The following MAPK8 variants were observed in gnomAD, a reference collection of about 807,000 sequenced individuals.
MAPK8 encodes the protein mitogen-activated protein kinase 8.
A neutral mutation model predicts 52.9 loss-of-function variants in MAPK8; 13 were observed. That is an observed-to-expected ratio of 0.25 (90% CI 0.16 to 0.39). The LOEUF (loss-of-function observed/expected upper bound fraction) is 0.39. Among genes scored for constraint, MAPK8 ranks in the 10% least tolerant of loss-of-function variants. MAPK8 has a pLI of 1.00. For missense variants in MAPK8, 300 were observed against 519.2 expected (o/e 0.58, Z 4.10); for synonymous variants, 191 against 169.8 (o/e 1.12, Z -0.97).
In MAPK8 at chr10:48,407,389, A is replaced by G. The variant is rs148278116; in HGVS notation, c.252+2408A>G. On this transcript the variant is annotated intron_variant, in intron 3 of 11. Coordinates refer to ENST00000374189, the MANE Select transcript of MAPK8 (RefSeq NM_001323329.2). ...GGTTGCATTTTTCTGATTTATTGCTATTGTTCTTTGTTGTTTTTATTCATG... is the reference window on the plus strand; with the variant it reads ...GGTTGCATTTTTCTGATTTATTGCTGTTGTTCTTTGTTGTTTTTATTCATG... Among the ~76,000 whole-genome samples the G allele has an allele frequency of 7.9e-3, 1,196 of 152,086 alleles. 13 individuals carry two copies. The highest frequency in any genetic ancestry group is 0.027 in the African/African-American group (1,116 of 41,504).
intron 1 of MAPK8, among the ~76,000 whole-genome samples, chr10:48,334,364 C>T (rs1028542668): frequency 2.0e-5 from 3 of 152,148 alleles, no homozygotes; most frequent in African/African-American, 2.4e-5. Flanking sequence ...TGTCTCTGGC[C>T]GTTTCCCTCG....
intron 1 of MAPK8, among the ~76,000 whole-genome samples, chr10:48,363,537 C>T (rs769593891): frequency 7.2e-5 from 11 of 152,072 alleles, no homozygotes; most frequent in Non-Finnish European, 1.5e-4. Context: ...AAAAATTTGT[C>T]GTCATTGTAT....
At chr10:48,373,570 GCAAAAAAA>G (rs2040457038) in intron 1 of MAPK8, among the ~76,000 whole-genome samples, 1 of 1,730 alleles carries the variant, frequency 5.8e-4, no homozygotes, top group African/African-American at 2.9e-3. Flanking sequence ...TAAATTGAAA[GCAAAAAAA>G]AAAAAAAAAA....
chr10:48,326,829 A>G (rs1208786154), intron 1 of MAPK8, among the ~76,000 whole-genome samples: 1 of 152,186 alleles, frequency 6.6e-6, no homozygotes, highest in African/African-American at 2.4e-5. Flanking sequence ...CCTGCCTCCC[A>G]GCACACACCA....
intron 1 of MAPK8, among the ~76,000 whole-genome samples, chr10:48,381,634 A>C (rs1479163148): frequency 2.0e-5 from 3 of 152,232 alleles, no homozygotes; most frequent in Non-Finnish European, 2.9e-5. Flanking sequence ...GTTTATTAAC[A>C]GATCTAAAGA....
rs532145433 is a variant in MAPK8, at chr10:48,432,718, A to G, written c.1138+1448A>G. 2.0e-5 allele frequency among the ~76,000 whole-genome samples: 3 copies of G among 152,324 alleles called. No individual in the cohort carries two copies. The South Asian group carries it at 6.2e-4, about 32-fold the overall frequency. Reference sequence around the variant, plus strand: ...TTTGAGTAAATGTAATAATTTCATGAGTTAGAGCATTTGTATTTGTTCTTA... The same window carrying G: ...TTTGAGTAAATGTAATAATTTCATGGGTTAGAGCATTTGTATTTGTTCTTA... On this transcript the variant is annotated intron_variant, in intron 11 of 11. Transcript: ENST00000374189.
intron 7 of MAPK8, chr10:48,425,405 G>T (rs2043618912): frequency 2.3e-6 from 1 of 442,186 alleles, no homozygotes. Flanking sequence ...TTTTATCGAA[G>T]CCTTTATTTT....
chr10:48,368,469 G>A (rs1343361604), intron 1 of MAPK8, among the ~76,000 whole-genome samples: 1 of 152,208 alleles, frequency 6.6e-6, no homozygotes, highest in Non-Finnish European at 1.5e-5. Context: ...TACTTTTAAA[G>A]CAGTTAATTG....
At chr10:48,387,158 T>G (rs748702948) in intron 1 of MAPK8, among the ~76,000 whole-genome samples, 7 of 152,142 alleles carry the variant, frequency 4.6e-5, no homozygotes, top group Non-Finnish European at 8.8e-5. Context: ...CTTTCTCCCC[T>G]TTGTGGGTGG....
intron 6 of MAPK8, among the ~76,000 whole-genome samples, chr10:48,422,183 C>CA (rs1294548927): frequency 6.6e-6 from 1 of 152,062 alleles, no homozygotes; most frequent in Non-Finnish European, 1.5e-5. Context: ...AGGCATGTGC[C>CA]ACCATGCCTG....
chr10:48,358,028 G>A (rs1049651154), intron 1 of MAPK8, among the ~76,000 whole-genome samples: 2 of 152,182 alleles, frequency 1.3e-5, no homozygotes, highest in African/African-American at 4.8e-5. Flanking sequence ...TCAGTACTTT[G>A]TTTCTATCTA....
intron 1 of MAPK8, among the ~76,000 whole-genome samples, chr10:48,376,452 C>T (rs1160469137): frequency 2.0e-5 from 3 of 152,146 alleles, no homozygotes; most frequent in Admixed American, 6.5e-5. Flanking sequence ...AAGCAGCCTA[C>T]AGAATGGGAG....
intron 1 of MAPK8, among the ~76,000 whole-genome samples, chr10:48,336,522 A>T (rs901770770): frequency 1.3e-5 from 2 of 152,224 alleles, no homozygotes; most frequent in Non-Finnish European, 2.9e-5. Context: ...AAGGTGCTTT[A>T]TATAGGCTAT....
At chr10:48,364,574 A>G (rs936883721) in intron 1 of MAPK8, among the ~76,000 whole-genome samples, 5 of 152,250 alleles carry the variant, frequency 3.3e-5, no homozygotes, top group Admixed American at 6.5e-5. Flanking sequence ...GATGCTCTCA[A>G]TAATTTGGAA....
chr10:48,367,887 T>G (rs1336495318), intron 1 of MAPK8, among the ~76,000 whole-genome samples: 1 of 152,186 alleles, frequency 6.6e-6, no homozygotes, highest in Non-Finnish European at 1.5e-5. Context: ...AAGCTTAATA[T>G]GGTCCAGGAA....
At chr10:48,326,532 T>C (rs1843539968) in intron 1 of MAPK8, among the ~76,000 whole-genome samples, 1 of 152,240 alleles carries the variant, frequency 6.6e-6, no homozygotes, top group African/African-American at 2.4e-5. Flanking sequence ...AACAAAGATC[T>C]AGGTGCCCTT....
intron 1 of MAPK8, among the ~76,000 whole-genome samples, chr10:48,327,571 T>G (rs536822297): frequency 6.6e-6 from 1 of 152,344 alleles, no homozygotes; most frequent in East Asian, 1.9e-4. Context: ...TTTGTTTTAT[T>G]ATTATTAGAG....
intron 1 of MAPK8, among the ~76,000 whole-genome samples, chr10:48,368,853 G>C (rs911261650): frequency 6.6e-6 from 1 of 152,240 alleles, no homozygotes; most frequent in South Asian, 2.1e-4. Flanking sequence ...CTGTTGTATC[G>C]CATAGTGTCT....
chr10:48,394,671 T>C (rs1327687759), intron 1 of MAPK8, among the ~76,000 whole-genome samples: 1 of 151,900 alleles, frequency 6.6e-6, no homozygotes, highest in African/African-American at 2.4e-5. Context: ...CTTTCTCTCT[T>C]AAGATCATGA....
Sources: allele counts gnomAD v4.1 joint callset (sites outside exome capture counted in the v4.1 genomes callset), GRCh38; gene constraint gnomAD v4.1.1; transcripts MANE v1.5; gene names NCBI Gene and HGNC (gene_info 2026-07-23, HGNC 2026-07-21).